The following ARFGEF1 variants were observed in gnomAD, a reference collection of about 807,000 sequenced individuals.
ARFGEF1 encodes the protein ARF guanine nucleotide exchange factor 1.
A neutral mutation model predicts 231.0 loss-of-function variants in ARFGEF1; 42 were observed. The ratio of observed to expected loss-of-function variants is 0.18; its 90% CI spans 0.14 to 0.24. The LOEUF (loss-of-function observed/expected upper bound fraction) is 0.24, where lower values mean the gene tolerates loss of function less well. Among genes scored for constraint, ARFGEF1 ranks in the 10% least tolerant of loss-of-function variants. The probability of loss-of-function intolerance (pLI) is 1.00; values close to 1 mark genes in which losing one functional copy is unlikely to be tolerated. For synonymous variants in ARFGEF1, 710 were observed against 732.3 expected, an observed-to-expected ratio of 0.97 and a Z score of 0.49; for missense variants, 1,345 against 2,192.0, an observed-to-expected ratio of 0.61 and a Z score of 7.72.
At chr8:67,184,038 A>G (rs1308417120) in intron 5 of ARFGEF1, among the ~76,000 whole-genome samples, 9 of 152,014 alleles carry the variant, frequency 5.9e-5, no homozygotes, top group Non-Finnish European at 8.8e-5. Flanking sequence ...TTTTTAGTAG[A>G]GACGGGGTTT....
chr8:67,319,842 C>A (rs1212674080), intron 1 of ARFGEF1, among the ~76,000 whole-genome samples: 1 of 152,052 alleles, frequency 6.6e-6, no homozygotes, highest in Non-Finnish European at 1.5e-5. Context: ...TAAAACTCAA[C>A]AGTAAAAAAA....
At chr8:67,251,969 G>A (rs1186086586) in intron 18 of ARFGEF1, among the ~76,000 whole-genome samples, 2 of 152,068 alleles carry the variant, frequency 1.3e-5, no homozygotes, top group Admixed American at 6.5e-5. Flanking sequence ...CAGAAGAGAG[G>A]TAAAATGCAA....
intron 7 of ARFGEF1, among the ~76,000 whole-genome samples, chr8:67,281,625 A>G (rs888713812): frequency 5.9e-5 from 9 of 152,154 alleles, no homozygotes; most frequent in Non-Finnish European, 1.0e-4. Flanking sequence ...ACAAACAAAA[A>G]TAAGGTATAA....
chr8:67,173,739 T>C (rs879703853), downstream of ARFGEF1: 5 of 152,290 alleles, frequency 3.3e-5, no homozygotes, highest in African/African-American at 7.2e-5. Context: ...ATCAATTACG[T>C]ATACTGTTAT....
chr8:67,329,486 G>A (rs1174482627), intron 1 of ARFGEF1, among the ~76,000 whole-genome samples: 3 of 150,036 alleles, frequency 2.0e-5, no homozygotes, highest in Admixed American at 6.6e-5. Context: ...CCGAGATTGT[G>A]CCACTGCACT....
intron 14 of ARFGEF1, among the ~76,000 whole-genome samples, chr8:67,263,721 T>C (rs1804733486): frequency 6.6e-6 from 1 of 152,122 alleles, no homozygotes; most frequent in South Asian, 2.1e-4. Flanking sequence ...AAGCTAAACA[T>C]AATCCCCCTA....
chr8:67,302,558 C>T lies in ARFGEF1; in HGVS notation c.125-92G>A, dbSNP rs12678201. 6.5e-4 allele frequency: 573 copies of T among 883,372 alleles called. 2 individuals are homozygous for T. In the Middle Eastern group the frequency reaches 7.6e-3, roughly 12 times the overall value. The allele number at this position is 883,372 out of a possible 1,614,324, so 54.7% of individuals were successfully genotyped here. A position where few individuals can be genotyped will look rare whatever the true frequency, so the allele number is the denominator to read the frequency against. On this transcript the variant is annotated intron_variant, in intron 1 of 38. Transcript: ENST00000262215. ...AGTTCTATAAACTCATTTGGAACTT[C>T]TACAAAAAGTTGGAAAGAATGCAAA...
intron 1 of ARFGEF1, among the ~76,000 whole-genome samples, chr8:67,309,146 G>A (rs750882833): frequency 5.3e-5 from 8 of 152,216 alleles, no homozygotes; most frequent in African/African-American, 9.6e-5. Context: ...AAGATACTAC[G>A]CTAAGTGAAA....
intron 3 of ARFGEF1, among the ~76,000 whole-genome samples, chr8:67,300,548 G>C (rs1273643469): frequency 6.6e-6 from 1 of 151,520 alleles, no homozygotes; most frequent in African/African-American, 2.4e-5. Flanking sequence ...GCCAGGCACA[G>C]TGGCTCACGC....
At chr8:67,236,305 G>A (rs1268917603) in intron 22 of ARFGEF1, among the ~76,000 whole-genome samples, 1 of 105,180 alleles carries the variant, frequency 9.5e-6, no homozygotes, top group African/African-American at 3.7e-5. Flanking sequence ...GTGACAGAGT[G>A]AGACTGTGAC....
chr8:67,224,920 T>C lies in ARFGEF1; in HGVS notation c.4191A>G (p.Lys1397=). Residue 1397 remains lysine, a synonymous_variant, in exon 29 of 39, where the codon AAA becomes AAG. Coordinates refer to ENST00000262215, the MANE Select transcript of ARFGEF1 (RefSeq NM_006421.5). Reference sequence around the variant, plus strand: ...ATTGTTACCTGGTTCTTACATCTAATTTGCATCTATTGATGATACAGGATA... The same window carrying C: ...ATTGTTACCTGGTTCTTACATCTAACTTGCATCTATTGATGATACAGGATA... ...FELSCIINRC[K]LDVRTRGLTV... 1 of 1,564,322 alleles carries C rather than the reference T, an allele frequency of 6.4e-7. No individual in the cohort carries two copies. The highest frequency in any genetic ancestry group is 2.3e-5 in the East Asian group (1 of 43,474).
downstream of ARFGEF1, chr8:67,193,455 T>TAACTA: frequency 6.2e-7 from 1 of 1,607,058 alleles, no homozygotes; most frequent in Non-Finnish European, 8.5e-7. Context: ...TTCTGTTTTC[T>TAACTA]AACTACAGGA....
At chr8:67,320,887 G>A (rs1325005752) in intron 1 of ARFGEF1, among the ~76,000 whole-genome samples, 2 of 152,144 alleles carry the variant, frequency 1.3e-5, no homozygotes, top group Non-Finnish European at 2.9e-5. Flanking sequence ...CTTGAACCCA[G>A]GAAGAGGTTG....
intron 5 of ARFGEF1, among the ~76,000 whole-genome samples, chr8:67,192,352 G>A (rs1256464724): frequency 6.6e-6 from 1 of 152,182 alleles, no homozygotes; most frequent in Non-Finnish European, 1.5e-5. Context: ...TAGGATTACA[G>A]GCATGAGCCA....
chr8:67,260,388 C>CA (rs1429667948), intron 14 of ARFGEF1, among the ~76,000 whole-genome samples: 1 of 152,142 alleles, frequency 6.6e-6, no homozygotes, highest in Non-Finnish European at 1.5e-5. Flanking sequence ...ACCATTTTTC[C>CA]AAAACCATAT....
At chr8:67,263,093 TC>T (rs1009494160) in intron 14 of ARFGEF1, among the ~76,000 whole-genome samples, 57 of 152,274 alleles carry the variant, frequency 3.7e-4, no homozygotes, top group African/African-American at 1.3e-3. Flanking sequence ...CTCACTCCCT[TC>T]TCCTTCCTCT....
rs1330688721 is a variant in ARFGEF1, at chr8:67,211,520, A to T, written c.4782T>A (p.Ala1594=). The change falls in exon 34 of 39, where the codon GCT becomes GCA. Residue 1594 remains alanine (A), a synonymous_variant. Coordinates refer to ENST00000262215, the MANE Select transcript of ARFGEF1 (RefSeq NM_006421.5). ...RPQAPLVSAS[A]VNEEVSKIKS... is the part of the protein sequence containing the mutation. ...TAATTTTGCTGACTTCTTCATTAAC[A>T]GCAGACGCAGAAACCAGTGGTGCTT... 2.5e-6 allele frequency: 4 copies of T among 1,592,868 alleles called. No individual in the cohort carries two copies. Among genetic ancestry groups the T allele is most frequent in the Non-Finnish European group, 3.4e-6 (4 of 1,172,554 alleles).
intron 1 of ARFGEF1, among the ~76,000 whole-genome samples, chr8:67,326,135 G>A (rs893870800): frequency 6.6e-6 from 1 of 152,090 alleles, no homozygotes; most frequent in African/African-American, 2.4e-5. Context: ...GAGATGGAGG[G>A]TGCAGTGAGC....
chr8:67,182,819 T>A (rs1394655823), intron 5 of ARFGEF1, among the ~76,000 whole-genome samples: 2 of 152,232 alleles, frequency 1.3e-5, no homozygotes, highest in Non-Finnish European at 2.9e-5. Flanking sequence ...TGCTAATTTT[T>A]AAAATCAGAG....
Sources: allele counts gnomAD v4.1 joint callset (sites outside exome capture counted in the v4.1 genomes callset), GRCh38; gene constraint gnomAD v4.1.1; transcripts MANE v1.5; gene names NCBI Gene and HGNC (gene_info 2026-07-23, HGNC 2026-07-21).